The following ABCB4 variants were observed in gnomAD, a reference collection of about 807,000 sequenced individuals.
ABCB4 encodes the protein phosphatidylcholine translocator ABCB4.
Under a neutral mutation model 145.7 loss-of-function variants are expected in ABCB4, and 76 were observed. The observed-to-expected ratio is 0.52, with a 90% confidence interval of 0.43 to 0.63. The LOEUF (loss-of-function observed/expected upper bound fraction) is 0.63, where lower values mean the gene tolerates loss of function less well. ABCB4 is among the 30% of genes least tolerant of loss of function. ABCB4 has a pLI of 0.00. For synonymous variants in ABCB4, 517 were observed against 566.8 expected, an observed-to-expected ratio of 0.91 and a Z score of 1.25; for missense variants, 1,234 against 1,553.1, an observed-to-expected ratio of 0.79 and a Z score of 3.45.
the ABCB4 span, chr7:87,382,537 A>T: frequency 1.2e-6 from 2 of 1,613,296 alleles, no homozygotes; most frequent in African/African-American, 1.3e-5. Flanking sequence ...TACAGACTTC[A>T]TGGACAGTAA....
chr7:87,378,492 C>G, the ABCB4 span, among the ~76,000 whole-genome samples: 57 of 152,252 alleles, frequency 3.7e-4, no homozygotes, highest in South Asian at 0.011. Flanking sequence ...CTTCAATGTT[C>G]AAATGCTTTC....
the ABCB4 span, among the ~76,000 whole-genome samples, chr7:87,384,918 T>G: frequency 6.6e-6 from 1 of 152,242 alleles, no homozygotes; most frequent in Admixed American, 6.5e-5. Context: ...TCCAGTTTCA[T>G]TCTTCTGCAT....
chr7:87,473,746 T>TGTGA lies in ABCB4; in HGVS notation c.81-1072_81-1071insTCAC, dbSNP rs530173748. Among the ~76,000 whole-genome samples, 14 of 152,150 alleles carry TGTGA rather than the reference T, an allele frequency of 9.2e-5. No individual in the cohort carries two copies. In the East Asian group the frequency reaches 2.5e-3, roughly 27 times the overall value. ...GAGGGAGTGTGTGTGTGTGTGTGTG[T>TGTGA]ATGATGATTTATATATATATGATGA... On this transcript the variant is annotated intron_variant, in intron 2 of 27. Coordinates refer to ENST00000649586, the MANE Select transcript of ABCB4 (RefSeq NM_000443.4).
intron 22 of ABCB4, among the ~76,000 whole-genome samples, 155 bp from the exon 23 acceptor site, chr7:87,412,188 T>C (rs1808671257): frequency 6.6e-6 from 1 of 152,206 alleles, no homozygotes; most frequent in Non-Finnish European, 1.5e-5. Context: ...TAAACATTTA[T>C]ACCATGGAAA....
intron 17 of ABCB4, among the ~76,000 whole-genome samples, chr7:87,422,778 T>C (rs1402611660): frequency 6.6e-6 from 1 of 152,168 alleles, no homozygotes; most frequent in Admixed American, 6.6e-5. Context: ...ACCTCTCTAT[T>C]ACCCTACCCA....
At chr7:87,380,575 T>C in the ABCB4 span, among the ~76,000 whole-genome samples, 1 of 152,202 alleles carries the variant, frequency 6.6e-6, no homozygotes, top group Non-Finnish European at 1.5e-5. Context: ...ACTATGTAAA[T>C]ACATATTGCC....
rs1314109470 is a variant in ABCB4 at position 87,440,194 on chromosome 7, T to G, written c.1560+5A>C. ...CAAGGACAACTACTTTATCAGAGGCTTTACCTGTGGTAATTTCATGATAAA... is the reference window on the plus strand; with the variant it reads ...CAAGGACAACTACTTTATCAGAGGCGTTACCTGTGGTAATTTCATGATAAA... On this transcript the variant is annotated splice_donor_5th_base_variant and intron_variant, in intron 13 of 27. Transcript: ENST00000649586. 6.2e-7 allele frequency: 1 copy of G among 1,613,296 alleles called. No individual in the cohort carries two copies.
At chr7:87,432,065 C>G (rs571495476) in intron 14 of ABCB4, among the ~76,000 whole-genome samples, 1 of 152,156 alleles carries the variant, frequency 6.6e-6, no homozygotes, top group Non-Finnish European at 1.5e-5. Context: ...GGGATCAGGA[C>G]TATTAAAATT....
chr7:87,462,756 A>G lies in ABCB4; in HGVS notation c.286+2T>C. On this transcript the variant is annotated splice_donor_variant, in intron 4 of 27. Transcript: ENST00000649586. LOFTEE classifies it high-confidence loss of function. ...TTTTTTAAAAGGTAAAGAAATGCTT[A>G]CCTGGAAAGGAGAAGTTTCCTGCAG... 6.2e-7 allele frequency: 1 copy of G among 1,613,888 alleles called. No individual in the cohort carries two copies. Among genetic ancestry groups the G allele is most frequent in the Non-Finnish European group, 8.5e-7 (1 of 1,179,828 alleles).
the ABCB4 span, chr7:87,375,916 A>T: frequency 6.2e-7 from 1 of 1,613,044 alleles, no homozygotes; most frequent in Admixed American, 1.7e-5. Flanking sequence ...TCCATGGAGG[A>T]TAGCAGTCCA....
At chr7:87,383,165 G>A in the ABCB4 span, among the ~76,000 whole-genome samples, 1 of 151,956 alleles carries the variant, frequency 6.6e-6, no homozygotes, top group East Asian at 1.9e-4. Context: ...ACAAATTATT[G>A]TTAACTATAG....
chr7:87,440,268 T>C lies in ABCB4; in HGVS notation c.1491A>G (p.Val497=). Residue 497 remains valine (V), a synonymous_variant, in exon 13 of 28, where the codon GTA becomes GTG. Coordinates refer to ENST00000649586, the MANE Select transcript of ABCB4 (RefSeq NM_000443.4). ...AENICYGRGN[V]TMDEIKKAVK... The stretch of plus-strand genomic sequence containing the variant: ...CAGCTTTCTTTATCTCATCCATGGT[T>C]ACATTTCCACGGCCATAACAAATAT... The C allele has an allele frequency of 6.2e-7, 1 of 1,614,172 alleles. No individual in the cohort carries two copies. The highest frequency in any genetic ancestry group is 8.5e-7 in the Non-Finnish European group (1 of 1,180,026).
chr7:87,381,264 A>C, the ABCB4 span, among the ~76,000 whole-genome samples: 1 of 152,202 alleles, frequency 6.6e-6, no homozygotes, highest in South Asian at 2.1e-4. Flanking sequence ...AAATGCGGGC[A>C]AAAACTTTGT....
chr7:87,463,056 AAC>A (rs1812573531), intron 3 of ABCB4, 148 bp from the exon 4 acceptor site: 1 of 669,412 alleles, frequency 1.5e-6, no homozygotes, highest in African/African-American at 1.8e-5. Flanking sequence ...TCAAATCATT[AAC>A]AACTTAATTT....
chr7:87,469,599 G>A (rs1357377527), intron 3 of ABCB4, among the ~76,000 whole-genome samples: 2 of 152,190 alleles, frequency 1.3e-5, no homozygotes, highest in Non-Finnish European at 2.9e-5. Context: ...GCCAAATCAT[G>A]AGTGAACTCC....
Position 87,443,708 on chromosome 7 carries a change from CT to C in ABCB4, c.1184del (p.Glu395GlyfsTer18), listed in dbSNP as rs765868935. The C allele has an allele frequency of 6.2e-7, 1 of 1,614,026 alleles. No individual in the cohort carries two copies. Among genetic ancestry groups the C allele is most frequent in the South Asian group, 1.1e-5 (1 of 91,076 alleles). ...HKPDSIKGNL[E>X]FNDVHFSYPS... is the part of the protein sequence containing the mutation. ...GGTAAGAAAAGTGAACATCATTGAACTCCAAATTCCCTTTGATGCTGTCTGG... is the reference window on the plus strand; with the variant it reads ...GGTAAGAAAAGTGAACATCATTGAACCCAAATTCCCTTTGATGCTGTCTGG... On this transcript the variant is annotated frameshift_variant, in exon 11 of 28. Transcript: ENST00000649586. LOFTEE classifies it high-confidence loss of function.
At chr7:87,435,588 T>A (rs1237516842) in intron 14 of ABCB4, among the ~76,000 whole-genome samples, 1 of 152,218 alleles carries the variant, frequency 6.6e-6, no homozygotes, top group Non-Finnish European at 1.5e-5. Flanking sequence ...AAAAGCAACC[T>A]GCCTTAGGCA....
the ABCB4 span, among the ~76,000 whole-genome samples, chr7:87,389,480 G>T: frequency 0.043 from 6,496 of 152,240 alleles, 445 homozygotes; most frequent in African/African-American, 0.15. Context: ...GCAGGGACAT[G>T]GATGAAGCTG....
Position 87,451,657 on chromosome 7 carries a change from G to C in ABCB4, c.674C>G (p.Pro225Arg), listed in dbSNP as rs1262067773. Residue 225 changes from proline (P) to arginine (R), a missense_variant, in exon 7 of 28, where the codon CCT (proline) becomes CGT (arginine). This residue lies in a region of ABCB4 where 467 missense variants were observed against 632.8 expected (regional missense o/e 0.74). Transcript: ENST00000649586. The part of the protein sequence containing the change: ...KLTLVIMAIS[P>R]ILGLSAAVWA... ...AACGGCTGCAGAGAGTCCTAGAATAGGGCTGATGGCCATTATCACAAGGGT... is the reference window on the plus strand; with the variant it reads ...AACGGCTGCAGAGAGTCCTAGAATACGGCTGATGGCCATTATCACAAGGGT... 1 of 1,614,100 alleles carries C rather than the reference G, an allele frequency of 6.2e-7. No homozygotes were observed. Among genetic ancestry groups the C allele is most frequent in the Non-Finnish European group, 8.5e-7 (1 of 1,180,012 alleles).
Sources: gnomAD v4.1 joint callset for allele counts (sites outside exome capture counted in the v4.1 genomes callset) on GRCh38, gnomAD v4.1.1 for gene constraint, gnomAD v4.1.1 regional missense constraint, MANE v1.5 for transcripts, NCBI Gene and HGNC (gene_info 2026-07-23, HGNC 2026-07-21) for gene names.